ARID2: variants seen among roughly 807,000 people sequenced by gnomAD.
ARID2 encodes the protein AT-rich interactive domain-containing protein 2.
A neutral mutation model predicts 184.6 loss-of-function variants in ARID2; 32 were observed. The observed-to-expected ratio is 0.17, with a 90% CI of 0.13 to 0.23. The LOEUF (loss-of-function observed/expected upper bound fraction) is 0.23, where lower values mean the gene tolerates loss of function less well. ARID2 is among the 10% of genes least tolerant of loss of function. ARID2 has a pLI of 1.00. For missense variants in ARID2, 1,696 were observed against 2,197.6 expected (o/e 0.77, Z 4.56); for synonymous variants, 836 against 772.6 (o/e 1.08, Z -1.36).
rs773409968 is a variant in ARID2 at position 45,852,275 on chromosome 12, T to G, written c.4152T>G (p.His1384Gln). The change falls in exon 15 of 21, where the codon CAT (histidine) becomes CAG (glutamine). Residue 1384 changes from histidine (H) to glutamine (Q), a missense_variant. Transcript: ENST00000334344. Reference sequence around the variant, plus strand: ...TTCCAAATCATAAAACTTCCAATCATGTAGGAAATGGTGAGATATCTCCAA... The same window carrying G: ...TTCCAAATCATAAAACTTCCAATCAGGTAGGAAATGGTGAGATATCTCCAA... ...KNIPNHKTSN[H>Q]VGNGEISPME... 1 of 1,614,102 alleles carries G rather than the reference T, an allele frequency of 6.2e-7. No homozygotes were observed. The highest frequency in any genetic ancestry group is 8.5e-7 in the Non-Finnish European group (1 of 1,179,990).
intron 16 of ARID2, among the ~76,000 whole-genome samples, chr12:45,879,840 T>G (rs1944071682): frequency 6.6e-6 from 1 of 152,224 alleles, no homozygotes; most frequent in African/African-American, 2.4e-5. Flanking sequence ...TATAAAACAT[T>G]TTTGAGACTC....
intron 3 of ARID2, among the ~76,000 whole-genome samples, chr12:45,739,259 G>A (rs767008888): frequency 1.3e-5 from 2 of 151,932 alleles, no homozygotes; most frequent in African/African-American, 2.4e-5. Flanking sequence ...GATTACAGGC[G>A]TGAGCCACTG....
chr12:45,871,327 A>T (rs1943922648), intron 16 of ARID2, among the ~76,000 whole-genome samples: 1 of 152,180 alleles, frequency 6.6e-6, no homozygotes, highest in South Asian at 2.1e-4. Context: ...GCATGAGTAG[A>T]TAATGGATTA....
At chr12:45,782,241 T>A (rs1307573611) in intron 3 of ARID2, among the ~76,000 whole-genome samples, 1 of 152,096 alleles carries the variant, frequency 6.6e-6, no homozygotes, top group Admixed American at 6.5e-5. Context: ...AACACAAATA[T>A]ACAACATTAG....
intron 3 of ARID2, among the ~76,000 whole-genome samples, chr12:45,750,042 G>A (rs1941431393): frequency 6.6e-6 from 1 of 152,162 alleles, no homozygotes; most frequent in Non-Finnish European, 1.5e-5. Flanking sequence ...ATAGCTAAAT[G>A]TTTAGTGCAA....
rs116512836 is a variant in ARID2 at position 45,875,628 on chromosome 12, G to A, written c.4922+14679G>A. Among the ~76,000 whole-genome samples, 346 of 152,330 alleles carry A rather than the reference G, an allele frequency of 2.3e-3. 2 individuals carry two copies. The highest frequency in any genetic ancestry group is 8.1e-3 in the African/African-American group (338 of 41,576). ...TATTGAAAATCTGTTGCTTAGTGTA[G>A]CATTCTTTATCAATGATGTTAGCTA... On this transcript the variant is annotated intron_variant, in intron 16 of 20. Transcript: ENST00000334344.
intron 15 of ARID2, among the ~76,000 whole-genome samples, chr12:45,854,061 C>T (rs937150601): frequency 4.6e-5 from 7 of 152,148 alleles, no homozygotes; most frequent in Non-Finnish European, 7.3e-5. Flanking sequence ...TCAGTGGCAG[C>T]ATTAGATTCT....
chr12:45,822,135 A>G (rs191888655), intron 6 of ARID2, among the ~76,000 whole-genome samples: 2 of 152,278 alleles, frequency 1.3e-5, no homozygotes, highest in East Asian at 3.9e-4. Flanking sequence ...AGATACATTC[A>G]AGTATGATTA....
intron 3 of ARID2, among the ~76,000 whole-genome samples, chr12:45,777,525 T>C (rs980586885): frequency 2.6e-5 from 4 of 152,030 alleles, no homozygotes; most frequent in Admixed American, 2.0e-4. Flanking sequence ...GCACAAGCAG[T>C]ACATTAATAT....
intron 3 of ARID2, among the ~76,000 whole-genome samples, chr12:45,778,155 G>A (rs912334641): frequency 3.3e-5 from 5 of 152,092 alleles, no homozygotes; most frequent in African/African-American, 1.2e-4. Context: ...GCAGTGAGCC[G>A]AGATTGCGCC....
intron 3 of ARID2, among the ~76,000 whole-genome samples, chr12:45,810,121 A>G (rs534603945): frequency 6.6e-6 from 1 of 152,322 alleles, no homozygotes; most frequent in East Asian, 1.9e-4. Context: ...TCTTTGGTAA[A>G]TGTAAGTCAT....
At chr12:45,814,033 A>G (rs959013525) in intron 4 of ARID2, among the ~76,000 whole-genome samples, 3 of 152,168 alleles carry the variant, frequency 2.0e-5, no homozygotes, top group African/African-American at 7.2e-5. Context: ...CAATCATTTT[A>G]ATAAAGTGAA....
At chr12:45,795,989 T>C (rs1003653589) in intron 3 of ARID2, among the ~76,000 whole-genome samples, 1 of 152,140 alleles carries the variant, frequency 6.6e-6, no homozygotes, top group Non-Finnish European at 1.5e-5. Flanking sequence ...TGGTCTCCGC[T>C]CCTGTCTACT....
intron 3 of ARID2, among the ~76,000 whole-genome samples, chr12:45,799,078 A>G (rs1172362045): frequency 6.6e-6 from 1 of 152,014 alleles, no homozygotes; most frequent in Non-Finnish European, 1.5e-5. Flanking sequence ...TAACCACATA[A>G]AAAGCTTTTA....
intron 3 of ARID2, among the ~76,000 whole-genome samples, chr12:45,775,877 C>G: frequency 6.6e-6 from 1 of 152,196 alleles, no homozygotes; most frequent in East Asian, 1.9e-4. Context: ...TAATTTCTAG[C>G]TGGTAAACTT....
rs1565646392 is a variant in ARID2 at position 45,903,180 on chromosome 12, G to C, written c.5364-1754G>C. 2.0e-5 allele frequency among the ~76,000 whole-genome samples: 3 copies of C among 152,230 alleles called. No homozygotes were observed. In the East Asian group the frequency reaches 5.8e-4, roughly 29 times the overall value. ...TTTTCAGCATTATATTTTTGAGATT[G>C]ATTCATGTTGTTGCATGATAGTATT... On this transcript the variant is annotated intron_variant, in intron 20 of 20. Transcript: ENST00000334344.
intron 4 of ARID2, among the ~76,000 whole-genome samples, chr12:45,816,810 G>A (rs1279711897): frequency 2.0e-5 from 3 of 152,160 alleles, no homozygotes; most frequent in African/African-American, 4.8e-5. Flanking sequence ...ACTATATTGT[G>A]TGATTCCACT....
Position 45,852,656 on chromosome 12 carries a change from A to T in ARID2, c.4533A>T (p.Glu1511Asp), listed in dbSNP as rs2138180406. 1 of 1,614,194 alleles carries T rather than the reference A, an allele frequency of 6.2e-7. No individual in the cohort carries two copies. The highest frequency in any genetic ancestry group is 1.7e-5 in the Admixed American group (1 of 60,022). ...SDVRSTNGTA[E>D]CKTVKRPAED... ...TTCGGTCTACAAATGGCACAGCAGA[A>T]TGCAAAACTGTAAAGAGGCCAGCAG... Residue 1511 changes from glutamate (E) to aspartate (D), a missense_variant, in exon 15 of 21, where the codon GAA (glutamate) becomes GAT (aspartate). By Grantham distance (45) the Glu-to-Asp change is conservative. Coordinates refer to ENST00000334344, the MANE Select transcript of ARID2 (RefSeq NM_152641.4).
chr12:45,752,361 ATCTT>A lies in ARID2; in HGVS notation c.284+21048_284+21051del, dbSNP rs1565582853. ...CAGGAACTGTGTTCTTTATTTCTCT[ATCTT>A]AGGTAGAGAGCACGGTGTCTGGTTC... On this transcript the variant is annotated intron_variant, in intron 3 of 20. Coordinates refer to ENST00000334344, the MANE Select transcript of ARID2 (RefSeq NM_152641.4). Among the ~76,000 whole-genome samples, 4 of 152,214 alleles carry A rather than the reference ATCTT, an allele frequency of 2.6e-5. No individual in the cohort carries two copies. The East Asian group carries it at 7.7e-4, about 29-fold the overall frequency.
Sources: gnomAD v4.1 joint callset for allele counts (sites outside exome capture counted in the v4.1 genomes callset) on GRCh38, gnomAD v4.1.1 for gene constraint, MANE v1.5 for transcripts, NCBI Gene and HGNC (gene_info 2026-07-23, HGNC 2026-07-21) for gene names.